Variants in FAM107B observed in about 807,000 individuals in gnomAD.
FAM107B encodes family with sequence similarity 107 member B.
FAM107B carries 21 observed loss-of-function variants against 31.5 expected under a neutral mutation model. The observed-to-expected ratio is 0.67, with a 90% CI of 0.47 to 0.96. FAM107B has a LOEUF of 0.96. Among genes scored for constraint, FAM107B ranks in the 40% least tolerant of loss-of-function variants. FAM107B has a pLI of 0.00. For missense variants in FAM107B, 452 were observed against 377.1 expected (o/e 1.20, Z -1.64); for synonymous variants, 157 against 141.5 (o/e 1.11, Z -0.78).
At chr10:14,671,830 T>C (rs1854553460) in intron 1 of FAM107B, among the ~76,000 whole-genome samples, 1 of 146,706 alleles carries the variant, frequency 6.8e-6, no homozygotes, top group South Asian at 2.1e-4. Context: ...AGATTAACCC[T>C]GGACTTTTCC....
intron 2 of FAM107B, among the ~76,000 whole-genome samples, chr10:14,590,104 G>A (rs1200919134): frequency 6.6e-6 from 1 of 152,158 alleles, no homozygotes; most frequent in Non-Finnish European, 1.5e-5. Flanking sequence ...GTGGTCTTGG[G>A]CAAGCAATTT....
At chr10:14,700,695 T>C (rs542731772) in intron 1 of FAM107B, among the ~76,000 whole-genome samples, 1 of 151,990 alleles carries the variant, frequency 6.6e-6, no homozygotes, top group African/African-American at 2.4e-5. Flanking sequence ...GATGCTTTTT[T>C]CCCCCAGATG....
intron 2 of FAM107B, among the ~76,000 whole-genome samples, chr10:14,654,440 G>A (rs897847029): frequency 1.3e-5 from 2 of 151,990 alleles, no homozygotes; most frequent in African/African-American, 4.8e-5. Context: ...ATAATTCATT[G>A]GAGAAAGGTC....
intron 1 of FAM107B, among the ~76,000 whole-genome samples, chr10:14,740,861 C>A (rs756544412): frequency 4.6e-5 from 7 of 152,132 alleles, no homozygotes; most frequent in Non-Finnish European, 1.0e-4. Flanking sequence ...TAGTCTAGCC[C>A]CTGGACTATT....
intron 1 of FAM107B, among the ~76,000 whole-genome samples, chr10:14,732,464 G>T (rs1357924548): frequency 6.6e-6 from 1 of 152,120 alleles, no homozygotes; most frequent in African/African-American, 2.4e-5. Flanking sequence ...CCAGTAAGTG[G>T]CCTTATCTTC....
intron 4 of FAM107B, 127 bp downstream of exon 4, chr10:14,521,742 T>C (rs970558046): frequency 7.4e-7 from 1 of 1,351,152 alleles, no homozygotes; most frequent in African/African-American, 1.5e-5. Context: ...CTGACATTTG[T>C]CTCCAATATT....
At chr10:14,626,158 G>C (rs1318204149) in intron 2 of FAM107B, among the ~76,000 whole-genome samples, 1 of 152,180 alleles carries the variant, frequency 6.6e-6, no homozygotes, top group African/African-American at 2.4e-5. Flanking sequence ...TTACTCCGTT[G>C]AAGGCTGGTC....
intron 1 of FAM107B, among the ~76,000 whole-genome samples, chr10:14,767,085 G>GAGAC (rs1833193836): frequency 9.1e-6 from 1 of 109,388 alleles, no homozygotes; most frequent in Non-Finnish European, 1.8e-5. Flanking sequence ...GAGAGAGAGA[G>GAGAC]AGAGAGAGAG....
chr10:14,594,197 T>C (rs1852106884), intron 2 of FAM107B, among the ~76,000 whole-genome samples: 1 of 152,036 alleles, frequency 6.6e-6, no homozygotes. Flanking sequence ...AAAATAAAAA[T>C]TCAGTACAAA....
chr10:14,600,855 G>C (rs1464258929), intron 2 of FAM107B, among the ~76,000 whole-genome samples: 1 of 151,988 alleles, frequency 6.6e-6, no homozygotes, highest in Non-Finnish European at 1.5e-5. Context: ...TGCCCAGCCT[G>C]GTCTCAAACT....
In FAM107B at chr10:14,530,400, C is replaced by G. The variant is rs143361367; in HGVS notation, c.585G>C (p.Leu195=). ...DNPELIRPQK[L]INPVKTSRNH... ...TCCGGGAGGTTTTTACAGGATTGAT[C>G]AGTTTCTGAGGCCTAATGAGTTCAG... The change falls in exon 3 of 5, where the codon CTG becomes CTC. Residue 195 remains leucine (L), a synonymous_variant. Coordinates refer to ENST00000181796, the MANE Select transcript of FAM107B (RefSeq NM_031453.4). 2 of 1,613,840 alleles carry G rather than the reference C, an allele frequency of 1.2e-6. No individual in the cohort carries two copies. Among genetic ancestry groups the G allele is most frequent in the African/African-American group, 1.3e-5 (1 of 74,860 alleles).
intron 2 of FAM107B, among the ~76,000 whole-genome samples, chr10:14,606,964 G>A (rs868623614): frequency 2.0e-5 from 3 of 152,176 alleles, no homozygotes; most frequent in African/African-American, 7.2e-5. Flanking sequence ...GCATGCACTG[G>A]ATTCGAGATT....
At chr10:14,527,994 C>CTT in intron 3 of FAM107B, 2 of 346,426 alleles carry the variant, frequency 5.8e-6, no homozygotes, top group Admixed American at 4.4e-5. Flanking sequence ...TGAAATCTGC[C>CTT]TTTTCTTTTT....
chr10:14,642,211 C>T (rs1160391381), intron 2 of FAM107B, among the ~76,000 whole-genome samples: 1 of 152,248 alleles, frequency 6.6e-6, no homozygotes, highest in Non-Finnish European at 1.5e-5. Context: ...GGCTCAATGT[C>T]CCATCTTCCA....
At chr10:14,623,780 C>G (rs561351305) in intron 2 of FAM107B, among the ~76,000 whole-genome samples, 1 of 152,150 alleles carries the variant, frequency 6.6e-6, no homozygotes, top group African/African-American at 2.4e-5. Flanking sequence ...GAGCTGAGAT[C>G]GCCCACTGCA....
chr10:14,529,178 T>G lies in FAM107B; in HGVS notation c.653+1154A>C, dbSNP rs138392679. Among the ~76,000 whole-genome samples the G allele has an allele frequency of 2.8e-3, 429 of 152,348 alleles. 1 individual carries two copies. The highest frequency in any genetic ancestry group is 9.7e-3 in the African/African-American group (403 of 41,586). On this transcript the variant is annotated intron_variant, in intron 3 of 4. Transcript: ENST00000181796. Reference sequence around the variant, plus strand: ...GTGGTCTATTTTAGGAACTTGATAGTCTCATTTTGCTTTGGCCATAATAAT... The same window carrying G: ...GTGGTCTATTTTAGGAACTTGATAGGCTCATTTTGCTTTGGCCATAATAAT...
At chr10:14,611,584 G>A (rs1197242250) in intron 2 of FAM107B, among the ~76,000 whole-genome samples, 1 of 149,406 alleles carries the variant, frequency 6.7e-6, no homozygotes, top group Non-Finnish European at 1.5e-5. Flanking sequence ...ATGGAAGGAA[G>A]GCTAGGCTAG....
chr10:14,577,472 G>C (rs1430848191), intron 2 of FAM107B, among the ~76,000 whole-genome samples: 9 of 152,312 alleles, frequency 5.9e-5, no homozygotes, highest in Non-Finnish European at 1.0e-4. Flanking sequence ...TTACAGCTAC[G>C]TATATAAACT....
intron 2 of FAM107B, among the ~76,000 whole-genome samples, chr10:14,594,071 G>A (rs1287876964): frequency 1.3e-5 from 2 of 152,178 alleles, no homozygotes; most frequent in Non-Finnish European, 2.9e-5. Context: ...AAACACACAG[G>A]CTCTGCCTGA....
Sources: gnomAD v4.1 joint callset for allele counts (sites outside exome capture counted in the v4.1 genomes callset) on GRCh38, gnomAD v4.1.1 for gene constraint, MANE v1.5 for transcripts, NCBI Gene and HGNC (gene_info 2026-07-23, HGNC 2026-07-21) for gene names.